The following SEC14L2 variants were observed in gnomAD, a reference collection of about 807,000 sequenced individuals.
SEC14L2 encodes the protein SEC14 like lipid binding 2.
SEC14L2 carries 50 observed loss-of-function variants against 56.9 expected under a neutral mutation model. The observed-to-expected ratio is 0.88, with a 90% confidence interval of 0.70 to 1.11. The LOEUF is 1.11. Among genes scored for constraint, SEC14L2 ranks in the 50% most tolerant of loss-of-function variants. The probability of loss-of-function intolerance (pLI) is 0.00; values close to 1 mark genes in which losing one functional copy is unlikely to be tolerated. For synonymous variants in SEC14L2, 179 were observed against 188.5 expected (o/e 0.95, Z 0.41); for missense variants, 414 against 500.7 (o/e 0.83, Z 1.65).
At chr22:30,411,863 TGGGAGCACTCAGC>T (rs1392488297) in intron 8 of SEC14L2, among the ~76,000 whole-genome samples, 1 of 150,334 alleles carries the variant, frequency 6.7e-6, no homozygotes, top group Admixed American at 6.7e-5. Flanking sequence ...ACAAAGTGCA[TGGGAGCACTCAGC>T]GGGAGCACCC....
At position 30,399,643 on chromosome 22, in the gene SEC14L2, T is replaced by C; in HGVS notation, c.55T>C (p.Phe19Leu). Reference protein sequence around the residue: ...SPRQKEALAKFRENVQDVLPA... With the variant: ...SPRQKEALAKLRENVQDVLPA... Reference sequence around the variant, plus strand: ...CTCACCCCGATGCCTCTCCCTACAGTTTCGGGAGAATGTCCAGGATGTGCT... The same window carrying C: ...CTCACCCCGATGCCTCTCCCTACAGCTTCGGGAGAATGTCCAGGATGTGCT... The change falls in exon 2 of 12, where the codon TTT becomes CTT. Residue 19 changes from phenylalanine (F) to leucine (L), a missense_variant and splice_region_variant. Phe to Leu is a conservative substitution (Grantham distance 22). Coordinates refer to ENST00000615189, the MANE Select transcript of SEC14L2 (RefSeq NM_012429.5). 6.2e-7 allele frequency: 1 copy of C among 1,612,904 alleles called. No individual in the cohort carries two copies. The highest frequency in any genetic ancestry group is 8.5e-7 in the Non-Finnish European group (1 of 1,179,298).
chr22:30,411,742 C>CAATAAAAAAAA (rs1934254335), intron 8 of SEC14L2, among the ~76,000 whole-genome samples: 1 of 67,810 alleles, frequency 1.5e-5, no homozygotes, highest in African/African-American at 6.5e-5. Context: ...GACTCCGTCT[C>CAATAAAAAAAA]AAAAAAAAAA....
intron 8 of SEC14L2, among the ~76,000 whole-genome samples, chr22:30,412,848 C>CA (rs112084072): frequency 0.32 from 43,301 of 137,344 alleles, 6,699 homozygotes; most frequent in East Asian, 0.38. Flanking sequence ...AACAAAAAAA[C>CA]AAAAAAAAAA....
At chr22:30,420,040 G>A (rs1442910916) in intron 11 of SEC14L2, among the ~76,000 whole-genome samples, 1 of 150,188 alleles carries the variant, frequency 6.7e-6, no homozygotes, top group Non-Finnish European at 1.5e-5. Flanking sequence ...TGCAACCTTC[G>A]CCTCCCAGGT....
Position 30,424,584 on chromosome 22 carries a change from TA to T in SEC14L2, c.*2180del. 1 of 390,698 alleles carries T rather than the reference TA, an allele frequency of 2.6e-6. No individual in the cohort carries two copies. Among genetic ancestry groups the T allele is most frequent in the East Asian group, 7.2e-5 (1 of 13,954 alleles). The allele number at this position is 390,698 out of a possible 1,614,324, so 24.2% of individuals were successfully genotyped here. ...TTACACTTTGGGTTGTTGCAAAGAT[TA>T]AAGGAAATAAGCCGTGCAAAGCGCT... On this transcript the variant is annotated 3_prime_UTR_variant, in exon 12 of 12. Transcript: ENST00000615189.
intron 8 of SEC14L2, among the ~76,000 whole-genome samples, chr22:30,411,589 T>C (rs1934248330): frequency 6.6e-6 from 1 of 151,456 alleles, no homozygotes; most frequent in South Asian, 2.1e-4. Context: ...CTGCTAAAAA[T>C]AGAAAAATTA....
intron 7 of SEC14L2, among the ~76,000 whole-genome samples, chr22:30,410,160 G>A (rs1934209803): frequency 6.6e-6 from 1 of 151,716 alleles, no homozygotes; most frequent in African/African-American, 2.4e-5. Context: ...AGCTCACTGA[G>A]GCTGAGGCAA....
At chr22:30,398,961 A>C (rs5997637) in intron 1 of SEC14L2, 83,178 of 378,426 alleles carry the variant, frequency 0.22, 10,615 homozygotes, top group South Asian at 0.39. Flanking sequence ...CTATGGTGCC[A>C]AGATCAGCGC....
chr22:30,403,105 A>C (rs1933986989), intron 2 of SEC14L2, among the ~76,000 whole-genome samples: 1 of 152,092 alleles, frequency 6.6e-6, no homozygotes, highest in Non-Finnish European at 1.5e-5. Context: ...CAAAACAAAC[A>C]AAAAAACAGC....
At chr22:30,398,429 C>T (rs1309772249) in intron 1 of SEC14L2, 3 of 332,534 alleles carry the variant, frequency 9.0e-6, no homozygotes, top group East Asian at 1.5e-4. Flanking sequence ...TGGGACTGCC[C>T]TCTAGGTCAG....
intron 8 of SEC14L2, among the ~76,000 whole-genome samples, chr22:30,411,761 A>G (rs547197825): frequency 0.013 from 1,904 of 142,758 alleles, 89 homozygotes; most frequent in African/African-American, 0.048. Context: ...AAAAAAAAAA[A>G]GGGGTCCCTT....
In SEC14L2 at chr22:30,415,956, C is replaced by G; in HGVS notation, c.780C>G (p.Tyr260Ter). Residue 260 changes from tyrosine (Y) to a stop codon, truncating the protein, a stop_gained, in exon 10 of 12, where the codon TAC (tyrosine) becomes TAG (stop). Transcript: ENST00000615189. LOFTEE classifies it high-confidence loss of function. ...GNPKCKSKIN[Y>*]GGDIPRKYYV... is the part of the protein sequence containing the mutation. ...CCATGCCATGCTTCTAGATCAACTACGGGGGTGACATCCCCAGGAAGTATT... is the reference window on the plus strand; with the variant it reads ...CCATGCCATGCTTCTAGATCAACTAGGGGGGTGACATCCCCAGGAAGTATT... 6.2e-7 allele frequency: 1 copy of G among 1,614,160 alleles called. No homozygotes were observed. The highest frequency in any genetic ancestry group is 8.5e-7 in the Non-Finnish European group (1 of 1,180,006).
At chr22:30,416,695 A>C in intron 11 of SEC14L2, 6 of 1,408,064 alleles carry the variant, frequency 4.3e-6, no homozygotes, top group Non-Finnish European at 5.5e-6. Context: ...GTCCAGGTCT[A>C]ACTGGGTCTG....
Position 30,424,562 on chromosome 22 carries a change from C to T in SEC14L2, c.*2155C>T, listed in dbSNP as rs1046199. On this transcript the variant is annotated 3_prime_UTR_variant, in exon 12 of 12. Transcript: ENST00000615189. ...CGCAAAAACCCTGTGCTTACTATTA[C>T]ACTTTGGGTTGTTGCAAAGATTAAA... The T allele has an allele frequency of 0.74, 277,219 of 372,754 alleles. 104,285 individuals carry two copies. Among genetic ancestry groups the T allele is most frequent in the East Asian group, 0.89 (12,354 of 13,804 alleles). The allele number at this position is 372,754 out of a possible 1,614,324, so 23.1% of individuals were successfully genotyped here.
In SEC14L2 at chr22:30,424,833, GA is replaced by G; in HGVS notation, c.*2428del. On this transcript the variant is annotated 3_prime_UTR_variant, in exon 12 of 12. Transcript: ENST00000615189. ...CTGGGTGAACTGAGGTCCAGCGGGG[GA>G]AGGCTTCCTCCTGTTGTAATCACTA... is the stretch of plus-strand genomic sequence containing the variant. The G allele has an allele frequency of 2.2e-6, 1 of 456,668 alleles. No individual in the cohort carries two copies. The highest frequency in any genetic ancestry group is 1.5e-5 in the South Asian group (1 of 64,574). The allele number at this position is 456,668 out of a possible 1,614,324, so 28.3% of individuals were successfully genotyped here.
Position 30,416,264 on chromosome 22 carries a change from T to C in SEC14L2, c.942T>C (p.Val314=), listed in dbSNP as rs747719913. 2.0e-5 allele frequency: 32 copies of C among 1,614,106 alleles called. No homozygotes were observed. Among genetic ancestry groups the C allele is most frequent in the Non-Finnish European group, 2.7e-5 (32 of 1,180,046 alleles). The change falls in exon 11 of 12, where the codon GTT becomes GTC. Residue 314 remains valine (V), a synonymous_variant. Transcript: ENST00000615189. ...RWQFMSDGAD[V]GFGIFLKTKM... is the part of the protein sequence containing the mutation. ...AGTTTATGTCAGATGGAGCGGATGT[T>C]GGTTTTGGGATTTTCCTGAAGACCA... is the stretch of plus-strand genomic sequence containing the variant.
In SEC14L2 at chr22:30,422,624, G is replaced by A. The variant is rs1198147708; in HGVS notation, c.*217G>A. On this transcript the variant is annotated 3_prime_UTR_variant, in exon 12 of 12. Transcript: ENST00000615189. Reference sequence around the variant, plus strand: ...AGTCCCCAGGAGCTGGCTGGCCATCGTGATAGGATCTGTCTGTCCTGTAAA... The same window carrying A: ...AGTCCCCAGGAGCTGGCTGGCCATCATGATAGGATCTGTCTGTCCTGTAAA... 7.4e-6 allele frequency: 4 copies of A among 543,598 alleles called. No individual in the cohort carries two copies. The highest frequency in any genetic ancestry group is 1.3e-5 in the Non-Finnish European group (4 of 309,580). The allele number at this position is 543,598 out of a possible 1,614,324, so 33.7% of individuals were successfully genotyped here.
chr22:30,404,378 CA>C (rs1934034300), intron 2 of SEC14L2, among the ~76,000 whole-genome samples: 2 of 152,090 alleles, frequency 1.3e-5, no homozygotes, highest in Non-Finnish European at 1.5e-5. Flanking sequence ...CCTATGGGCC[CA>C]GGAGAAGGGA....
intron 1 of SEC14L2, among the ~76,000 whole-genome samples, chr22:30,398,053 T>G (rs1454215208): frequency 6.6e-6 from 1 of 151,476 alleles, no homozygotes; most frequent in African/African-American, 2.4e-5. Flanking sequence ...AGCTGGGGAG[T>G]TTTCCATGGC....
Sources: gnomAD v4.1 joint callset for allele counts (sites outside exome capture counted in the v4.1 genomes callset) on GRCh38, gnomAD v4.1.1 for gene constraint, MANE v1.5 for transcripts, NCBI Gene and HGNC (gene_info 2026-07-23, HGNC 2026-07-21) for gene names.